Variants in PAK1 observed in about 807,000 individuals in gnomAD.
PAK1 encodes serine/threonine-protein kinase PAK 1.
In PAK1, 29 loss-of-function variants were observed where a neutral mutation model predicts 67.4. The ratio of observed to expected loss-of-function variants is 0.43; its 90% CI spans 0.32 to 0.59. The LOEUF (loss-of-function observed/expected upper bound fraction) is 0.59. Ranked by LOEUF, PAK1 falls within the 20% of genes least tolerant of loss-of-function variation. PAK1 has a pLI of 0.07. For synonymous variants in PAK1, 223 were observed against 237.4 expected, an observed-to-expected ratio of 0.94 and a Z score of 0.56; for missense variants, 337 against 670.7, an observed-to-expected ratio of 0.50 and a Z score of 5.50.
intron 1 of PAK1, among the ~76,000 whole-genome samples, chr11:77,446,303 G>A (rs568025775): frequency 6.6e-6 from 1 of 152,212 alleles, no homozygotes; most frequent in East Asian, 1.9e-4. Context: ...CCTGAGGCCA[G>A]GAGTTCGAGA....
chr11:77,525,452 C>T, the PAK1 span, among the ~76,000 whole-genome samples: 4 of 152,142 alleles, frequency 2.6e-5, no homozygotes, highest in Admixed American at 2.6e-4. Context: ...AGGCCATTTT[C>T]TATGTGCCCA....
intron 1 of PAK1, among the ~76,000 whole-genome samples, chr11:77,459,894 C>A (rs950997918): frequency 6.6e-6 from 1 of 151,598 alleles, no homozygotes; most frequent in African/African-American, 2.4e-5. Context: ...GACGGGGTTT[C>A]ACCGTGTTAG....
At chr11:77,401,641 C>T (rs1375727435) in intron 1 of PAK1, among the ~76,000 whole-genome samples, 1 of 152,140 alleles carries the variant, frequency 6.6e-6, no homozygotes, top group Admixed American at 6.5e-5. Context: ...CCTGCCTTTG[C>T]CTATGCTGTT....
intron 1 of PAK1, among the ~76,000 whole-genome samples, chr11:77,425,722 A>G (rs1333496748): frequency 2.0e-5 from 3 of 152,290 alleles, no homozygotes; most frequent in Non-Finnish European, 4.4e-5. Context: ...ATTATTTGCC[A>G]AAGTGAGTTA....
chr11:77,473,773 G>T lies in PAK1; in HGVS notation c.-243C>A, dbSNP rs1428207401. The T allele has an allele frequency of 2.0e-5, 3 of 151,970 alleles. No individual in the cohort carries two copies. Among genetic ancestry groups the T allele is most frequent in the African/African-American group, 4.8e-5 (2 of 41,382 alleles). The allele number at this position is 151,970 out of a possible 1,614,324, so 9.4% of individuals were successfully genotyped here. On this transcript the variant is annotated 5_prime_UTR_variant, in exon 1 of 15. Coordinates refer to ENST00000356341, the MANE Select transcript of PAK1 (RefSeq NM_002576.5). ...AGGGAGCGAGGCGACGCGGGCGGGGGGGGAAGGGGGGACTGAGGGGCGAGG... is the reference window on the plus strand; with the variant it reads ...AGGGAGCGAGGCGACGCGGGCGGGGTGGGAAGGGGGGACTGAGGGGCGAGG...
intron 6 of PAK1, among the ~76,000 whole-genome samples, chr11:77,357,594 A>G (rs1326565762): frequency 1.3e-5 from 2 of 152,138 alleles, no homozygotes; most frequent in African/African-American, 4.8e-5. Context: ...CCACTGTGCT[A>G]TGGTGGAAAA....
chr11:77,432,195 T>C (rs1397521250), intron 1 of PAK1, among the ~76,000 whole-genome samples: 2 of 152,146 alleles, frequency 1.3e-5, no homozygotes, highest in African/African-American at 2.4e-5. Flanking sequence ...GAAAAAGCCA[T>C]AGAATTATCT....
chr11:77,519,510 A>G, the PAK1 span, among the ~76,000 whole-genome samples: 3 of 152,168 alleles, frequency 2.0e-5, no homozygotes, highest in Non-Finnish European at 4.4e-5. Context: ...TCCCACTCTG[A>G]GTGTAGTTAA....
chr11:77,423,441 A>C (rs867014430), intron 1 of PAK1, among the ~76,000 whole-genome samples: 93 of 139,560 alleles, frequency 6.7e-4, no homozygotes, highest in South Asian at 1.3e-3. Flanking sequence ...ACACACACAC[A>C]CCCCTTAGGA....
At chr11:77,345,268 A>C (rs1013568276) in intron 9 of PAK1, among the ~76,000 whole-genome samples, 1 of 152,142 alleles carries the variant, frequency 6.6e-6, no homozygotes, top group Non-Finnish European at 1.5e-5. Flanking sequence ...GTGCTCAACA[A>C]ATGTCTGTAG....
intron 9 of PAK1, among the ~76,000 whole-genome samples, chr11:77,347,262 G>A (rs896142296): frequency 6.6e-6 from 1 of 152,078 alleles, no homozygotes; most frequent in Non-Finnish European, 1.5e-5. Flanking sequence ...TCACCTACCT[G>A]CCTCCCATCA....
rs887416368 is a variant in PAK1 at position 77,350,586 on chromosome 11, C to T, written c.837-1299G>A. Among the ~76,000 whole-genome samples, 3 of 152,212 alleles carry T rather than the reference C, an allele frequency of 2.0e-5. No individual in the cohort carries two copies. In the East Asian group the frequency reaches 5.8e-4, roughly 29 times the overall value. On this transcript the variant is annotated intron_variant, in intron 8 of 14. Transcript: ENST00000356341. ...TGCCATATGTTAGGTACATATGATG[C>T]AATTTGAAGAAAATTAAAATTCTGC...
At chr11:77,373,562 TAA>T (rs34413403) in intron 5 of PAK1, among the ~76,000 whole-genome samples, 39 of 120,708 alleles carry the variant, frequency 3.2e-4, no homozygotes, top group Admixed American at 3.5e-4. Flanking sequence ...CTCGTCTCTT[TAA>T]AAAAAAAAAA....
At chr11:77,408,676 T>C (rs1954025717) in intron 1 of PAK1, among the ~76,000 whole-genome samples, 1 of 152,114 alleles carries the variant, frequency 6.6e-6, no homozygotes, top group Non-Finnish European at 1.5e-5. Flanking sequence ...AAAAATTCCG[T>C]TGATTAACGA....
At chr11:77,435,336 A>G (rs1956072875) in intron 1 of PAK1, among the ~76,000 whole-genome samples, 1 of 152,182 alleles carries the variant, frequency 6.6e-6, no homozygotes, top group South Asian at 2.1e-4. Flanking sequence ...GTCTATCACT[A>G]TCTATATGAT....
the PAK1 span, among the ~76,000 whole-genome samples, chr11:77,510,517 G>A: frequency 6.6e-6 from 1 of 152,274 alleles, no homozygotes; most frequent in South Asian, 2.1e-4. Context: ...GTGTGTACAG[G>A]TGTGTACACC....
rs1162924725 is a variant in PAK1 at position 77,383,321 on chromosome 11, A to ATT, written c.191-3329_191-3328dup. On this transcript the variant is annotated intron_variant, in intron 2 of 14. Coordinates refer to ENST00000356341, the MANE Select transcript of PAK1 (RefSeq NM_002576.5). ...CAGGATTTAGCTTGGGTACTGTGTA[A>ATT]TTTTTTTTTTTTTTTTTTTTGAGAC... is the stretch of plus-strand genomic sequence containing the variant. 8.8e-3 allele frequency among the ~76,000 whole-genome samples: 1,200 copies of ATT among 135,630 alleles called. 20 individuals are homozygous for ATT. Among genetic ancestry groups the ATT allele is most frequent in the African/African-American group, 0.027 (997 of 36,402 alleles). 89.0% of individuals were successfully genotyped at this position (135,630 alleles called of 152,430 possible).
the PAK1 span, among the ~76,000 whole-genome samples, chr11:77,499,747 C>T: frequency 2.6e-5 from 4 of 152,128 alleles, no homozygotes; most frequent in Non-Finnish European, 5.9e-5. Flanking sequence ...GATGTGGGCC[C>T]TGGATCCATA....
At chr11:77,451,624 G>T (rs1209400546) in intron 1 of PAK1, among the ~76,000 whole-genome samples, 1 of 150,552 alleles carries the variant, frequency 6.6e-6, no homozygotes, top group African/African-American at 2.5e-5. Context: ...TTTTGAGACG[G>T]CGTCTTGCTC....
Sources: allele counts gnomAD v4.1 joint callset (sites outside exome capture counted in the v4.1 genomes callset), GRCh38; gene constraint gnomAD v4.1.1; transcripts MANE v1.5; gene names NCBI Gene and HGNC (gene_info 2026-07-23, HGNC 2026-07-21).